PPP1R9A: variants seen among roughly 807,000 people sequenced by gnomAD.
PPP1R9A encodes the protein protein phosphatase 1 regulatory subunit 9A.
A neutral mutation model predicts 141.9 loss-of-function variants in PPP1R9A; 59 were observed. The ratio of observed to expected loss-of-function variants is 0.42; its 90% CI spans 0.34 to 0.52. PPP1R9A has a LOEUF of 0.52. PPP1R9A is among the 20% of genes least tolerant of loss of function. The pLI, the probability that PPP1R9A is intolerant of heterozygous loss-of-function variation, is 0.10. For synonymous variants in PPP1R9A, 500 were observed against 569.7 expected (o/e 0.88, Z 1.74); for missense variants, 1,444 against 1,611.9 (o/e 0.90, Z 1.78).
intron 7 of PPP1R9A, among the ~76,000 whole-genome samples, chr7:95,211,782 T>G (rs977801953): frequency 1.7e-4 from 25 of 151,478 alleles, no homozygotes; most frequent in African/African-American, 5.8e-4. Flanking sequence ...AGGCCAGGAG[T>G]TCAAGACCAG....
intron 7 of PPP1R9A, among the ~76,000 whole-genome samples, chr7:95,205,802 T>A (rs537628876): frequency 6.6e-6 from 1 of 152,330 alleles, no homozygotes; most frequent in Admixed American, 6.5e-5. Context: ...CTTTCTGTCA[T>A]TATTTATCCA....
At position 95,021,969 on chromosome 7, in the gene PPP1R9A, A is replaced by G. The variant is rs141881247; in HGVS notation, c.1396-89290A>G. 3.9e-3 allele frequency among the ~76,000 whole-genome samples: 598 copies of G among 152,320 alleles called. 23 individuals carry two copies. The highest frequency in any genetic ancestry group is 0.037 in the East Asian group (191 of 5,188). Reference sequence around the variant, plus strand: ...GCTATGTGGGCTGTTTTTTGGTTCCATATGAAATTTAAAGTAGTTTTTTCC... The same window carrying G: ...GCTATGTGGGCTGTTTTTTGGTTCCGTATGAAATTTAAAGTAGTTTTTTCC... On this transcript the variant is annotated intron_variant, in intron 2 of 19. Transcript: ENST00000433360.
chr7:95,095,919 T>G (rs1464528161), intron 2 of PPP1R9A, among the ~76,000 whole-genome samples: 1 of 152,190 alleles, frequency 6.6e-6, no homozygotes, highest in Non-Finnish European at 1.5e-5. Context: ...TTGAAGAGTT[T>G]AAAAATTAAG....
At chr7:95,073,477 T>C (rs1814304590) in intron 2 of PPP1R9A, among the ~76,000 whole-genome samples, 1 of 152,048 alleles carries the variant, frequency 6.6e-6, no homozygotes, top group Non-Finnish European at 1.5e-5. Context: ...TGCCTGTCTC[T>C]TTTATAACTT....
At chr7:94,922,703 C>T (rs771505879) in intron 2 of PPP1R9A, among the ~76,000 whole-genome samples, 3 of 152,012 alleles carry the variant, frequency 2.0e-5, no homozygotes, top group Non-Finnish European at 4.4e-5. Flanking sequence ...GCAGCTAGGA[C>T]AAAGATTAAA....
At chr7:95,017,300 ATACTGT>A (rs1241444430) in intron 2 of PPP1R9A, among the ~76,000 whole-genome samples, 1 of 152,188 alleles carries the variant, frequency 6.6e-6, no homozygotes. Flanking sequence ...ATGAGAAATA[ATACTGT>A]TACTGTTTAC....
intron 4 of PPP1R9A, among the ~76,000 whole-genome samples, chr7:95,148,261 C>T (rs574161676): frequency 1.3e-5 from 2 of 152,030 alleles, no homozygotes; most frequent in African/African-American, 4.8e-5. Flanking sequence ...GTCAGTAACA[C>T]CAAAAGCTGG....
At chr7:95,246,358 GT>G (rs2152996740) in intron 8 of PPP1R9A, among the ~76,000 whole-genome samples, 1 of 152,274 alleles carries the variant, frequency 6.6e-6, no homozygotes, top group East Asian at 1.9e-4. Flanking sequence ...CTTGATTACA[GT>G]AATAGTAAAA....
intron 10 of PPP1R9A, among the ~76,000 whole-genome samples, chr7:95,250,599 GAAT>G (rs1400795801): frequency 6.6e-6 from 1 of 152,168 alleles, no homozygotes; most frequent in Admixed American, 6.5e-5. Flanking sequence ...AAGTCATGTA[GAAT>G]GACTGACTAT....
At position 94,937,116 on chromosome 7, in the gene PPP1R9A, C is replaced by T. The variant is rs187024322; in HGVS notation, c.1395+25608C>T. On this transcript the variant is annotated intron_variant, in intron 2 of 19. Transcript: ENST00000433360. ...TTATTGATGGATATTAGATTATTTCCGATGTTTTTGCTTCTATGAATAATG... is the reference window on the plus strand; with the variant it reads ...TTATTGATGGATATTAGATTATTTCTGATGTTTTTGCTTCTATGAATAATG... Among the ~76,000 whole-genome samples, 14 of 151,970 alleles carry T rather than the reference C, an allele frequency of 9.2e-5. No individual in the cohort carries two copies. The East Asian group carries it at 1.5e-3, about 17-fold the overall frequency.
chr7:95,105,383 T>G (rs1169004805), intron 2 of PPP1R9A, among the ~76,000 whole-genome samples: 1 of 152,362 alleles, frequency 6.6e-6, no homozygotes, highest in Non-Finnish European at 1.5e-5. Context: ...GTTTGTAAAC[T>G]TGTTACCCCT....
At chr7:95,204,704 C>T (rs1169816712) in intron 7 of PPP1R9A, among the ~76,000 whole-genome samples, 1 of 140,594 alleles carries the variant, frequency 7.1e-6, no homozygotes, top group Non-Finnish European at 1.6e-5. Context: ...CCACACACAC[C>T]ACACACACAC....
At chr7:95,219,488 T>C (rs1297421494) in intron 7 of PPP1R9A, among the ~76,000 whole-genome samples, 5 of 152,180 alleles carry the variant, frequency 3.3e-5, no homozygotes, top group Admixed American at 3.3e-4. Flanking sequence ...TGGCGTTCTC[T>C]GTATTTCCTG....
At chr7:95,126,952 T>C (rs1402706085) in intron 4 of PPP1R9A, among the ~76,000 whole-genome samples, 1 of 152,138 alleles carries the variant, frequency 6.6e-6, no homozygotes, top group Non-Finnish European at 1.5e-5. Context: ...AACCACTGCC[T>C]TTTTCATCCA....
chr7:94,972,380 T>A (rs1317645713), intron 2 of PPP1R9A, among the ~76,000 whole-genome samples: 1 of 151,956 alleles, frequency 6.6e-6, no homozygotes, highest in Non-Finnish European at 1.5e-5. Flanking sequence ...GATGAAACAA[T>A]GCATTCCTAA....
chr7:95,118,492 G>A (rs1821912912), intron 3 of PPP1R9A, among the ~76,000 whole-genome samples: 1 of 152,098 alleles, frequency 6.6e-6, no homozygotes, highest in Admixed American at 6.6e-5. Context: ...TCATCCAGGG[G>A]AAACACTGTA....
intron 2 of PPP1R9A, among the ~76,000 whole-genome samples, chr7:95,017,140 C>T (rs1320247944): frequency 6.6e-6 from 1 of 152,028 alleles, no homozygotes; most frequent in Non-Finnish European, 1.5e-5. Context: ...TTGGAGGGAG[C>T]ATGGCCCAGT....
At chr7:95,153,765 T>C (rs1251830590) in intron 4 of PPP1R9A, among the ~76,000 whole-genome samples, 1 of 152,244 alleles carries the variant, frequency 6.6e-6, no homozygotes, top group East Asian at 1.9e-4. Flanking sequence ...AGCCATCCAG[T>C]CCTGGACATT....
At chr7:94,977,924 G>A (rs1227272207) in intron 2 of PPP1R9A, among the ~76,000 whole-genome samples, 14 of 151,872 alleles carry the variant, frequency 9.2e-5, no homozygotes, top group African/African-American at 2.7e-4. Context: ...CACCATGCCC[G>A]GCTAATTTTT....
Sources: allele counts gnomAD v4.1 joint callset (sites outside exome capture counted in the v4.1 genomes callset), GRCh38; gene constraint gnomAD v4.1.1; transcripts MANE v1.5; gene names NCBI Gene and HGNC (gene_info 2026-07-23, HGNC 2026-07-21).